NBN: variants seen among roughly 807,000 people sequenced by gnomAD.
NBN encodes nibrin, also known as Nijmegen breakage syndrome 1 (nibrin).
NBN carries 88 observed loss-of-function variants against 90.8 expected under a neutral mutation model. The observed-to-expected ratio is 0.97, with a 90% CI of 0.82 to 1.16. The LOEUF is 1.16. Among genes scored for constraint, NBN ranks in the 50% most tolerant of loss-of-function variants. The pLI is 0.00. For synonymous variants in NBN, 328 were observed against 295.1 expected (o/e 1.11, Z -1.14); for missense variants, 894 against 869.6 (o/e 1.03, Z -0.35).
At chr8:89,979,445 T>C (rs923920210) in intron 4 of NBN, among the ~76,000 whole-genome samples, 1 of 152,198 alleles carries the variant, frequency 6.6e-6, no homozygotes, top group Admixed American at 6.5e-5. Flanking sequence ...GGGTAAACTC[T>C]AATACATGTG....
intron 4 of NBN, among the ~76,000 whole-genome samples, chr8:89,979,660 A>T (rs999994849): frequency 6.6e-6 from 1 of 152,220 alleles, no homozygotes; most frequent in African/African-American, 2.4e-5. Flanking sequence ...TACCAAAAAA[A>T]AAAATATAAC....
intron 5 of NBN, among the ~76,000 whole-genome samples, chr8:89,976,980 A>C (rs1313817827): frequency 6.6e-6 from 1 of 152,192 alleles, no homozygotes; most frequent in East Asian, 1.9e-4. Context: ...AACTAACATT[A>C]AGCCAAATAG....
chr8:89,951,475 A>G (rs966397606), intron 11 of NBN, among the ~76,000 whole-genome samples: 1 of 152,214 alleles, frequency 6.6e-6, no homozygotes, highest in African/African-American at 2.4e-5. Context: ...CTAAACACTT[A>G]CATGTAATAT....
chr8:89,955,239 T>C lies in NBN; in HGVS notation c.1397+44A>G, dbSNP rs556058060. 18 of 1,566,206 alleles carry C rather than the reference T, an allele frequency of 1.1e-5. No homozygotes were observed. In the African/African-American group the frequency reaches 2.3e-4, roughly 20 times the overall value. On this transcript the variant is annotated intron_variant, in intron 10 of 15. Coordinates refer to ENST00000265433, the MANE Select transcript of NBN (RefSeq NM_002485.5). ...CATTCTACAACAGTATAAAAAACTTTCATTTTTTTTTCAGAGACATGAGAG... is the reference window on the plus strand; with the variant it reads ...CATTCTACAACAGTATAAAAAACTTCCATTTTTTTTTCAGAGACATGAGAG...
chr8:89,967,557 A>G (rs1811313005), intron 7 of NBN, among the ~76,000 whole-genome samples: 1 of 152,246 alleles, frequency 6.6e-6, no homozygotes, highest in South Asian at 2.1e-4. Flanking sequence ...GATTCATCCA[A>G]TTCTGTGCAA....
intron 9 of NBN, among the ~76,000 whole-genome samples, chr8:89,956,035 A>AT (rs771844786): frequency 1.3e-5 from 2 of 151,920 alleles, no homozygotes; most frequent in Non-Finnish European, 2.9e-5. Flanking sequence ...AAATGAACTG[A>AT]TATCATTATT....
intron 9 of NBN, 59 bp downstream of exon 9, chr8:89,958,666 A>C: frequency 6.4e-7 from 1 of 1,565,156 alleles, no homozygotes; most frequent in Non-Finnish European, 8.8e-7. Flanking sequence ...TACTTCCTGA[A>C]TATACTATTA....
chr8:89,962,867 C>A (rs943402862), intron 8 of NBN, among the ~76,000 whole-genome samples: 8 of 152,180 alleles, frequency 5.3e-5, no homozygotes, highest in African/African-American at 1.9e-4. Flanking sequence ...CATCCCTACA[C>A]CACCATTTCT....
At chr8:89,947,606 G>C (rs1810253297) in intron 12 of NBN, among the ~76,000 whole-genome samples, 1 of 152,024 alleles carries the variant, frequency 6.6e-6, no homozygotes, top group Non-Finnish European at 1.5e-5. Context: ...TCCAGCCTGG[G>C]CAACAAGAGC....
intron 1 of NBN, 82 bp downstream of exon 1, chr8:89,984,443 G>A: frequency 2.2e-6 from 3 of 1,340,318 alleles, no homozygotes; most frequent in African/African-American, 1.4e-5. Context: ...GAACGGACGC[G>A]ACGCAGGAAT....
chr8:89,984,577 G>C lies in NBN; in HGVS notation c.-16C>G, dbSNP rs751492107. 1.2e-6 allele frequency: 2 copies of C among 1,612,578 alleles called. No individual in the cohort carries two copies. The highest frequency in any genetic ancestry group is 2.7e-5 in the African/African-American group (2 of 74,918). ...GTTTCCACATCGGTCCGGCTCCTCA[G>C]GGCTGGGGCCGACGTGCAACCGCGT... On this transcript the variant is annotated 5_prime_UTR_variant, in exon 1 of 16. Transcript: ENST00000265433.
Position 89,984,588 on chromosome 8 carries a change from G to A in NBN, c.-27C>T, listed in dbSNP as rs780743318. The A allele has an allele frequency of 1.6e-5, 25 of 1,611,932 alleles. No homozygotes were observed. The highest frequency in any genetic ancestry group is 2.1e-5 in the Non-Finnish European group (25 of 1,179,440). ...GGTCCGGCTCCTCAGGGCTGGGGCC[G>A]ACGTGCAACCGCGTAACCGGGGCTG... On this transcript the variant is annotated 5_prime_UTR_variant, in exon 1 of 16. Coordinates refer to ENST00000265433, the MANE Select transcript of NBN (RefSeq NM_002485.5).
intron 9 of NBN, among the ~76,000 whole-genome samples, chr8:89,958,091 A>G (rs1456256962): frequency 3.0e-4 from 46 of 152,184 alleles, no homozygotes; most frequent in Non-Finnish European, 1.5e-5. Flanking sequence ...GATCCCTCAC[A>G]TGCACAGCTC....
chr8:89,953,750 A>C (rs1219711543), intron 10 of NBN, 59 bp from the exon 11 acceptor site: 1 of 1,373,154 alleles, frequency 7.3e-7, no homozygotes, highest in Non-Finnish European at 1.0e-6. Context: ...CTAAGTAACC[A>C]TTTAGTTTGG....
chr8:89,981,504 G>C lies in NBN; in HGVS notation c.191C>G (p.Pro64Arg), dbSNP rs1563581492. The change falls in exon 3 of 16, where the codon CCT becomes CGT. Residue 64 changes from proline (P) to arginine (R), a missense_variant. Coordinates refer to ENST00000265433, the MANE Select transcript of NBN (RefSeq NM_002485.5). ...VTNLSQTDEI[P>R]VLTLKDNSKY... ...AGAATTATCTTTTAATGTCAATACAGGGATTTCATCTGTTTGACTCTGAAA... is the reference window on the plus strand; with the variant it reads ...AGAATTATCTTTTAATGTCAATACACGGATTTCATCTGTTTGACTCTGAAA... 3 of 1,612,956 alleles carry C rather than the reference G, an allele frequency of 1.9e-6. No homozygotes were observed. In the East Asian group the frequency reaches 6.7e-5, roughly 36 times the overall value.
At chr8:89,984,373 G>C (rs976346674) in intron 1 of NBN, 152 bp downstream of exon 1, 2 of 737,756 alleles carry the variant, frequency 2.7e-6, no homozygotes, top group East Asian at 5.5e-5. Flanking sequence ...GGAAGAATAT[G>C]CGCTTGCCAT....
At chr8:89,964,778 T>G (rs563166410) in intron 7 of NBN, among the ~76,000 whole-genome samples, 62 of 152,216 alleles carry the variant, frequency 4.1e-4, no homozygotes, top group African/African-American at 1.3e-3. Context: ...CTACAATTTT[T>G]GGAATAAAAA....
rs1039771706 is a variant in NBN at position 89,944,754 on chromosome 8, A to T, written c.2070+1386T>A. Among the ~76,000 whole-genome samples, 10 of 151,946 alleles carry T rather than the reference A, an allele frequency of 6.6e-5. No individual in the cohort carries two copies. In the East Asian group the frequency reaches 1.4e-3, roughly 21 times the overall value. ...CACCATGCCTAGCTAATTTTTATATATTTTTTTGTAGAGTTAGGGTTTCAC... is the reference window on the plus strand; with the variant it reads ...CACCATGCCTAGCTAATTTTTATATTTTTTTTTGTAGAGTTAGGGTTTCAC... On this transcript the variant is annotated intron_variant, in intron 13 of 15. Transcript: ENST00000265433.
chr8:89,982,686 T>C, intron 2 of NBN, 36 bp downstream of exon 2: 1 of 1,574,572 alleles, frequency 6.4e-7, no homozygotes, highest in Non-Finnish European at 8.7e-7. Flanking sequence ...TTCAACCCCC[T>C]TACTGGAAAC....
Sources: gnomAD v4.1 joint callset for allele counts (sites outside exome capture counted in the v4.1 genomes callset) on GRCh38, gnomAD v4.1.1 for gene constraint, MANE v1.5 for transcripts, NCBI Gene and HGNC (gene_info 2026-07-23, HGNC 2026-07-21) for gene names.